The following RBM28 variants were observed in gnomAD, a reference collection of about 807,000 sequenced individuals.
The protein encoded by RBM28 is RNA binding motif protein 28.
In RBM28, 78 loss-of-function variants were observed where a neutral mutation model predicts 98.3. The ratio of observed to expected loss-of-function variants is 0.79; its 90% CI spans 0.66 to 0.96. The LOEUF (loss-of-function observed/expected upper bound fraction) is 0.96. Ranked by LOEUF, RBM28 falls within the 40% of genes least tolerant of loss-of-function variation. The pLI is 0.00. For synonymous variants in RBM28, 306 were observed against 330.9 expected (o/e 0.92, Z 0.82); for missense variants, 838 against 913.0 (o/e 0.92, Z 1.06).
intron 14 of RBM28, among the ~76,000 whole-genome samples, chr7:128,320,416 A>AAAAGAAAG (rs565987813): frequency 0.1 from 14,963 of 148,162 alleles, 1,324 homozygotes; most frequent in African/African-American, 0.22. Context: ...TAAAAAAAAA[A>AAAAGAAAG]AAAGAAAGGA....
intron 8 of RBM28, 55 bp downstream of exon 8, chr7:128,335,488 G>A (rs954975342): frequency 2.6e-5 from 41 of 1,603,784 alleles, no homozygotes; most frequent in Middle Eastern, 1.7e-4. Flanking sequence ...GCTCATTTCC[G>A]TAACTTCAGT....
At chr7:128,320,830 CT>C (rs1796215191) in intron 14 of RBM28, among the ~76,000 whole-genome samples, 2 of 152,218 alleles carry the variant, frequency 1.3e-5, no homozygotes, top group African/African-American at 4.8e-5. Context: ...AACCAAGAAA[CT>C]GCTAAACTCA....
chr7:128,314,807 T>C lies in RBM28; in HGVS notation c.2002A>G (p.Arg668Gly), dbSNP rs1208895048. Residue 668 changes from arginine to glycine, a missense_variant, in exon 17 of 19, where the codon AGA becomes GGA. Transcript: ENST00000223073. ...QVELPDGKKRRKVLALPSHRG... is the reference protein window; with the variant it reads ...QVELPDGKKRGKVLALPSHRG... ...TGTGAGGGGAGCGCCAGGACCTTTC[T>C]TCTCTTCTTTCCATCAGGCAGCTCC... 2 of 1,614,108 alleles carry C rather than the reference T, an allele frequency of 1.2e-6. No homozygotes were observed. The highest frequency in any genetic ancestry group is 1.7e-6 in the Non-Finnish European group (2 of 1,180,040).
chr7:128,302,341 G>A lies in RBM28; in HGVS notation c.*8456C>T, dbSNP rs1351854290. On this transcript the variant is annotated 3_prime_UTR_variant, in exon 19 of 19. Coordinates refer to ENST00000223073, the MANE Select transcript of RBM28 (RefSeq NM_018077.3). ...GCAGCTGTCCCTGCAGATGAGGATC[G>A]AGGGTATGTGACTGCCTGAGCAGCT... 6 of 152,206 alleles carry A rather than the reference G, an allele frequency of 3.9e-5. No homozygotes were observed. The highest frequency in any genetic ancestry group is 2.1e-4 in the South Asian group (1 of 4,834). 9.4% of individuals were successfully genotyped at this position (152,206 alleles called of 1,614,324 possible). A position where few individuals can be genotyped will look rare whatever the true frequency, so the allele number is the denominator to read the frequency against.
Position 128,302,476 on chromosome 7 carries a change from T to G in RBM28, c.*8321A>C, listed in dbSNP as rs551557394. On this transcript the variant is annotated 3_prime_UTR_variant, in exon 19 of 19. Coordinates refer to ENST00000223073, the MANE Select transcript of RBM28 (RefSeq NM_018077.3). ...AGCCATTATCTGACCTCCAGGGGAA[T>G]GAAGATGTCTGCAGAATTCGGGGAA... is the stretch of plus-strand genomic sequence containing the variant. 1.1e-4 allele frequency: 16 copies of G among 152,196 alleles called. No individual in the cohort carries two copies. The highest frequency in any genetic ancestry group is 1.9e-4 in the Non-Finnish European group (13 of 68,032). The allele number at this position is 152,196 out of a possible 1,614,324, so 9.4% of individuals were successfully genotyped here.
chr7:128,310,730 G>T lies in RBM28; in HGVS notation c.*67C>A. 6.3e-7 allele frequency: 1 copy of T among 1,592,040 alleles called. No individual in the cohort carries two copies. The highest frequency in any genetic ancestry group is 1.1e-5 in the South Asian group (1 of 90,646). ...TCCCTCAGTGAGAGACACGGGGGATGGGGAGGAGCCCAGGAGTGTCACCAG... is the reference window on the plus strand; with the variant it reads ...TCCCTCAGTGAGAGACACGGGGGATTGGGAGGAGCCCAGGAGTGTCACCAG... On this transcript the variant is annotated 3_prime_UTR_variant, in exon 19 of 19. Coordinates refer to ENST00000223073, the MANE Select transcript of RBM28 (RefSeq NM_018077.3).
chr7:128,313,989 G>GTC (rs1157665511), intron 17 of RBM28, among the ~76,000 whole-genome samples: 1 of 151,582 alleles, frequency 6.6e-6, no homozygotes, highest in Non-Finnish European at 1.5e-5. Context: ...TTGAGACGGA[G>GTC]TCTCGCTCTT....
chr7:128,343,681 T>TCAG lies in RBM28; in HGVS notation c.110_112dup (p.Thr37_Glu38insAla). 2 of 1,603,792 alleles carry TCAG rather than the reference T, an allele frequency of 1.2e-6. No individual in the cohort carries two copies. The highest frequency in any genetic ancestry group is 1.7e-6 in the Non-Finnish European group (2 of 1,174,422). ...CTCGACCGCCCCGCCCCTACCTTTT[T>TCAG]CAGTCACCACGAAGCACTGCTTCAC... On this transcript the variant is annotated inframe_insertion, in exon 1 of 19. Coordinates refer to ENST00000223073, the MANE Select transcript of RBM28 (RefSeq NM_018077.3).
intron 12 of RBM28, 126 bp downstream of exon 12, chr7:128,324,433 T>C: frequency 1.5e-6 from 2 of 1,349,838 alleles, no homozygotes; most frequent in South Asian, 1.2e-5. Context: ...AATGATCATA[T>C]AACACTGTTA....
intron 9 of RBM28, 139 bp downstream of exon 9, chr7:128,333,151 G>T (rs1796520394): frequency 2.8e-6 from 2 of 718,666 alleles, no homozygotes; most frequent in Admixed American, 2.0e-5. Flanking sequence ...ATTTCTCATT[G>T]TTTAGTATGT....
At chr7:128,312,950 T>A in intron 18 of RBM28, 1 of 570,920 alleles carries the variant, frequency 1.8e-6, no homozygotes, top group Admixed American at 3.0e-5. Context: ...ATGGGGAATA[T>A]GTAAAACAAG....
chr7:128,339,122 G>T, intron 3 of RBM28, 105 bp downstream of exon 3: 1 of 1,068,076 alleles, frequency 9.4e-7, no homozygotes, highest in Admixed American at 1.7e-5. Context: ...TTCCCAGAAG[G>T]AATTAAGCCC....
chr7:128,322,326 G>A (rs993676277), intron 13 of RBM28, among the ~76,000 whole-genome samples: 30 of 152,144 alleles, frequency 2.0e-4, no homozygotes, highest in Admixed American at 1.6e-3. Flanking sequence ...CAGTTCCTGC[G>A]TGATCTGTGT....
At position 128,305,511 on chromosome 7, in the gene RBM28, T is replaced by C. The variant is rs1007592414; in HGVS notation, c.*5286A>G. On this transcript the variant is annotated 3_prime_UTR_variant, in exon 19 of 19. Coordinates refer to ENST00000223073, the MANE Select transcript of RBM28 (RefSeq NM_018077.3). ...TGAATTTTTTCTTTTTTTGTAGAGGTGGGATCTTGCTATGTTGCCCAGGCT... is the reference window on the plus strand; with the variant it reads ...TGAATTTTTTCTTTTTTTGTAGAGGCGGGATCTTGCTATGTTGCCCAGGCT... The C allele has an allele frequency of 3.9e-5, 6 of 152,104 alleles. No homozygotes were observed. Among genetic ancestry groups the C allele is most frequent in the Non-Finnish European group, 8.8e-5 (6 of 68,094 alleles). 9.4% of individuals were successfully genotyped at this position (152,104 alleles called of 1,614,324 possible). A position where few individuals can be genotyped will look rare whatever the true frequency, so the allele number is the denominator to read the frequency against.
intron 10 of RBM28, among the ~76,000 whole-genome samples, chr7:128,330,371 CTTT>C (rs72352301): frequency 1.2e-5 from 1 of 83,488 alleles, no homozygotes; most frequent in East Asian, 3.6e-4. Flanking sequence ...GTCCCTGGTC[CTTT>C]TTTTTTTTTT....
chr7:128,341,245 T>G, intron 1 of RBM28: 1 of 1,199,054 alleles, frequency 8.3e-7, no homozygotes, highest in Non-Finnish European at 1.1e-6. Context: ...TAACATCAAT[T>G]TTTCTCTTCT....
chr7:128,312,458 C>A (rs1400427347), intron 18 of RBM28, among the ~76,000 whole-genome samples: 1 of 152,098 alleles, frequency 6.6e-6, no homozygotes, highest in Non-Finnish European at 1.5e-5. Context: ...GAACTAACTA[C>A]CAGATGACAG....
In RBM28 at chr7:128,335,116, A is replaced by C. The variant is rs372220638; in HGVS notation, c.946+427T>G. ...TTATGTCAGTCCAAACTGACTAAAC[A>C]GTTCTTTATCCCCATCTCAACTCCA... On this transcript the variant is annotated intron_variant, in intron 8 of 18. Transcript: ENST00000223073. Among the ~76,000 whole-genome samples the C allele has an allele frequency of 7.2e-5, 11 of 152,358 alleles. No homozygotes were observed. In the East Asian group the frequency reaches 1.3e-3, roughly 19 times the overall value.
rs1795828834 is a variant in RBM28 at position 128,304,625 on chromosome 7, T to C, written c.*6172A>G. 6.6e-6 allele frequency: 1 copy of C among 152,392 alleles called. No homozygotes were observed. Among genetic ancestry groups the C allele is most frequent in the South Asian group, 2.1e-4 (1 of 4,832 alleles). 9.4% of individuals were successfully genotyped at this position (152,392 alleles called of 1,614,324 possible). A position where few individuals can be genotyped will look rare whatever the true frequency, so the allele number is the denominator to read the frequency against. ...TTTGGTGAGGGAGGCTGCTTTCAGA[T>C]TTCAAGTGGACACTGCTGGCCTGGA... On this transcript the variant is annotated 3_prime_UTR_variant, in exon 19 of 19. Coordinates refer to ENST00000223073, the MANE Select transcript of RBM28 (RefSeq NM_018077.3).
Sources: allele counts gnomAD v4.1 joint callset (sites outside exome capture counted in the v4.1 genomes callset), GRCh38; gene constraint gnomAD v4.1.1; transcripts MANE v1.5; gene names NCBI Gene and HGNC (gene_info 2026-07-23, HGNC 2026-07-21).